Variants in LDLRAD3 observed in about 807,000 individuals in gnomAD.
LDLRAD3 encodes low-density lipoprotein receptor class A domain-containing protein 3.
A neutral mutation model predicts 29.4 loss-of-function variants in LDLRAD3; 20 were observed. That is an observed-to-expected ratio of 0.68 (90% CI 0.48 to 0.99). LDLRAD3 has a LOEUF of 0.99. Ranked by LOEUF, LDLRAD3 falls within the 50% of genes least tolerant of loss-of-function variation. LDLRAD3 has a pLI of 0.00. For synonymous variants in LDLRAD3, 157 were observed against 192.7 expected, an observed-to-expected ratio of 0.81 and a Z score of 1.53; for missense variants, 420 against 454.3, an observed-to-expected ratio of 0.92 and a Z score of 0.69.
At chr11:36,134,855 G>A (rs962992562) in intron 4 of LDLRAD3, among the ~76,000 whole-genome samples, 4 of 152,162 alleles carry the variant, frequency 2.6e-5, no homozygotes, top group African/African-American at 7.2e-5. Flanking sequence ...GGGTGCTGCC[G>A]GCTCTCTGGG....
chr11:35,978,123 T>C (rs1851497155), intron 1 of LDLRAD3, among the ~76,000 whole-genome samples: 1 of 152,186 alleles, frequency 6.6e-6, no homozygotes. Flanking sequence ...GGGGATCTTC[T>C]TACTGATTGA....
chr11:36,153,737 A>G (rs1035935249), intron 4 of LDLRAD3, among the ~76,000 whole-genome samples: 1 of 152,146 alleles, frequency 6.6e-6, no homozygotes, highest in African/African-American at 2.4e-5. Context: ...GAAGGGAGGA[A>G]TGCAGCTATG....
intron 4 of LDLRAD3, among the ~76,000 whole-genome samples, chr11:36,223,756 A>T (rs1855461122): frequency 2.7e-4 from 3 of 10,932 alleles, no homozygotes; most frequent in Admixed American, 2.3e-3. Flanking sequence ...AATAAAAAAT[A>T]AAAAAAATAC....
In LDLRAD3 at chr11:35,949,497, AT is replaced by A. The variant is rs199854909; in HGVS notation, c.46+5355del. Among the ~76,000 whole-genome samples the A allele has an allele frequency of 2.0e-4, 30 of 152,086 alleles. No homozygotes were observed. The East Asian group carries it at 5.6e-3, about 28-fold the overall frequency. On this transcript the variant is annotated intron_variant, in intron 1 of 5. Coordinates refer to ENST00000315571, the MANE Select transcript of LDLRAD3 (RefSeq NM_174902.4). ...CTGGGCTCCCCTTTCCCTCCCCATA[AT>A]TCCTTCTCCCTTGCCATCAAAAGGC...
intron 4 of LDLRAD3, among the ~76,000 whole-genome samples, chr11:36,180,464 G>C (rs558993165): frequency 6.6e-6 from 1 of 152,298 alleles, no homozygotes; most frequent in African/African-American, 2.4e-5. Context: ...TGTACATGTA[G>C]AAGTAAGTAG....
chr11:36,071,930 A>C (rs989479698), intron 2 of LDLRAD3, among the ~76,000 whole-genome samples: 7 of 152,230 alleles, frequency 4.6e-5, no homozygotes, highest in Non-Finnish European at 1.0e-4. Flanking sequence ...TGTTTACCAA[A>C]ATGTCCACAG....
intron 2 of LDLRAD3, among the ~76,000 whole-genome samples, chr11:36,066,459 C>T (rs1373641688): frequency 6.6e-6 from 1 of 152,110 alleles, no homozygotes; most frequent in African/African-American, 2.4e-5. Flanking sequence ...GTAGAAGCAG[C>T]GGTTGGGAAT....
chr11:35,986,127 T>C (rs530107787), intron 1 of LDLRAD3, among the ~76,000 whole-genome samples: 1 of 152,236 alleles, frequency 6.6e-6, no homozygotes, highest in African/African-American at 2.4e-5. Context: ...TCCAGATCCA[T>C]CTAGGTTAGG....
At chr11:35,968,774 G>A (rs539671458) in intron 1 of LDLRAD3, 58 of 160,428 alleles carry the variant, frequency 3.6e-4, no homozygotes, top group African/African-American at 1.4e-3. Flanking sequence ...ACATAGGCAA[G>A]ATCTATTGCA....
rs1057162148 is a variant in LDLRAD3, at chr11:36,179,138, A to G, written c.455-47947A>G. ...GAATCCCAGGGTGTTCACTAAGTAC[A>G]CATTCTTGTTCTGCATCCCTGGAGA... On this transcript the variant is annotated intron_variant, in intron 4 of 5. Transcript: ENST00000315571. Among the ~76,000 whole-genome samples the G allele has an allele frequency of 7.9e-5, 12 of 152,314 alleles. No individual in the cohort carries two copies. The South Asian group carries it at 1.9e-3, about 24-fold the overall frequency.
chr11:36,168,392 C>A (rs547608773), intron 4 of LDLRAD3, among the ~76,000 whole-genome samples: 1 of 151,474 alleles, frequency 6.6e-6, no homozygotes, highest in Non-Finnish European at 1.5e-5. Flanking sequence ...AGACCAACAA[C>A]GTGAACTGTC....
At chr11:35,968,504 G>T (rs1851369995) in intron 1 of LDLRAD3, 2 of 353,698 alleles carry the variant, frequency 5.7e-6, no homozygotes, top group Admixed American at 3.1e-5. Context: ...TTCCCGAGGT[G>T]TGTTGAGTTC....
chr11:36,144,378 G>A (rs1317332962), intron 4 of LDLRAD3, among the ~76,000 whole-genome samples: 19 of 142,186 alleles, frequency 1.3e-4, no homozygotes, highest in African/African-American at 4.8e-4. Flanking sequence ...GAGTGTCTCT[G>A]CCTGGCCGCC....
intron 1 of LDLRAD3, among the ~76,000 whole-genome samples, chr11:36,023,020 TGTC>T (rs1301040739): frequency 6.6e-6 from 1 of 152,204 alleles, no homozygotes; most frequent in Non-Finnish European, 1.5e-5. Context: ...ATGGAGGGCC[TGTC>T]GTCGTGCTCA....
At chr11:36,099,307 T>C (rs911095745) in intron 4 of LDLRAD3, among the ~76,000 whole-genome samples, 1 of 147,584 alleles carries the variant, frequency 6.8e-6, no homozygotes, top group Non-Finnish European at 1.5e-5. Context: ...TCATGGACTC[T>C]TTTTTTTAGC....
intron 1 of LDLRAD3, among the ~76,000 whole-genome samples, chr11:35,952,893 G>A (rs1398712205): frequency 6.6e-6 from 1 of 152,202 alleles, no homozygotes; most frequent in Non-Finnish European, 1.5e-5. Flanking sequence ...GTTCTTTATT[G>A]TGGAAGCTGA....
chr11:35,975,640 A>G (rs1358247165), intron 1 of LDLRAD3, among the ~76,000 whole-genome samples: 1 of 152,222 alleles, frequency 6.6e-6, no homozygotes, highest in Non-Finnish European at 1.5e-5. Flanking sequence ...GGGTTAAAGG[A>G]AGTTAAAAAC....
chr11:35,996,918 ACTC>A, intron 1 of LDLRAD3, among the ~76,000 whole-genome samples: 1 of 151,896 alleles, frequency 6.6e-6, no homozygotes, highest in Non-Finnish European at 1.5e-5. Context: ...TCAAGTCTGG[ACTC>A]CTCCATGCAG....
intron 3 of LDLRAD3, among the ~76,000 whole-genome samples, chr11:36,096,256 A>C (rs1032673689): frequency 3.3e-5 from 5 of 152,204 alleles, no homozygotes; most frequent in African/African-American, 9.6e-5. Flanking sequence ...AAGTTAACCA[A>C]GTCCTTGCAG....
Sources: allele counts gnomAD v4.1 joint callset (sites outside exome capture counted in the v4.1 genomes callset), GRCh38; gene constraint gnomAD v4.1.1; transcripts MANE v1.5; gene names NCBI Gene and HGNC (gene_info 2026-07-23, HGNC 2026-07-21).